RGL1: variants seen among roughly 807,000 people sequenced by gnomAD.
RGL1 encodes the protein ral guanine nucleotide dissociation stimulator-like 1.
RGL1 carries 24 observed loss-of-function variants against 95.2 expected under a neutral mutation model. That is an observed-to-expected ratio of 0.25 (90% CI 0.18 to 0.35). The LOEUF is 0.35. RGL1 is among the 10% of genes least tolerant of loss of function. The pLI is 1.00. For synonymous variants in RGL1, 329 were observed against 344.9 expected (o/e 0.95, Z 0.51); for missense variants, 715 against 936.3 (o/e 0.76, Z 3.08).
chr1:183,899,919 T>G (rs931075817), intron 10 of RGL1, among the ~76,000 whole-genome samples: 13 of 152,264 alleles, frequency 8.5e-5, no homozygotes, highest in African/African-American at 3.1e-4. Context: ...AACAGATGTG[T>G]ATGATCTCCT....
chr1:183,852,796 T>C (rs2102553469), intron 3 of RGL1, among the ~76,000 whole-genome samples: 1 of 148,818 alleles, frequency 6.7e-6, no homozygotes, highest in South Asian at 2.1e-4. Context: ...CAGTAAGACT[T>C]GGTCTCAAAA....
At chr1:183,723,536 T>C (rs7521674) in intron 1 of RGL1, among the ~76,000 whole-genome samples, 2,475 of 152,270 alleles carry the variant, frequency 0.016, 75 homozygotes, top group African/African-American at 0.057. Context: ...GGACCTTGCA[T>C]TGGAACTCAG....
upstream of RGL1, among the ~76,000 whole-genome samples, chr1:183,804,663 G>GTA (rs1360998684): frequency 6.6e-6 from 1 of 152,214 alleles, no homozygotes; most frequent in Non-Finnish European, 1.5e-5. Context: ...GCAGGAGAGG[G>GTA]TATAGCCCCT....
At chr1:183,723,239 G>A (rs945772742) in intron 1 of RGL1, among the ~76,000 whole-genome samples, 1 of 152,166 alleles carries the variant, frequency 6.6e-6, no homozygotes, top group African/African-American at 2.4e-5. Context: ...CAGCTAGCAG[G>A]AGGCAGAGCA....
chr1:183,713,234 C>T (rs1298607032), intron 1 of RGL1, among the ~76,000 whole-genome samples: 7 of 151,862 alleles, frequency 4.6e-5, no homozygotes, highest in Admixed American at 3.3e-4. Flanking sequence ...CCATGTTGGC[C>T]GGGCTGGTCT....
chr1:183,788,963 C>A (rs1010760887), intron 2 of RGL1, among the ~76,000 whole-genome samples: 2 of 152,206 alleles, frequency 1.3e-5, no homozygotes, highest in African/African-American at 4.8e-5. Flanking sequence ...TCTGCCTCAT[C>A]TTTTGGATGT....
intron 2 of RGL1, among the ~76,000 whole-genome samples, chr1:183,809,458 G>A (rs753585458): frequency 5.3e-5 from 8 of 152,186 alleles, no homozygotes; most frequent in Admixed American, 2.6e-4. Flanking sequence ...ACGTGCAGCT[G>A]CATCCTTGCC....
intron 1 of RGL1, among the ~76,000 whole-genome samples, chr1:183,687,717 G>A (rs1050542914): frequency 2.6e-5 from 4 of 152,118 alleles, no homozygotes; most frequent in Admixed American, 1.3e-4. Flanking sequence ...AGAAGTGAAT[G>A]CAAAACATCT....
At position 183,655,936 on chromosome 1, in the gene RGL1, C is replaced by A. The variant is rs1651123601; in HGVS notation, c.-33+19435C>A. Among the ~76,000 whole-genome samples the A allele has an allele frequency of 2.0e-5, 3 of 152,264 alleles. No individual in the cohort carries two copies. In the South Asian group the frequency reaches 6.2e-4, roughly 32 times the overall value. ...TGTGGGAAAGGACCAATTGACATTT[C>A]CAAACCATATGTTAAACAGTGATGG... is the stretch of plus-strand genomic sequence containing the variant. On this transcript the variant is annotated intron_variant, in intron 1 of 18. Coordinates refer to the RGL1 transcript ENST00000304685.
chr1:183,888,257 A>G (rs1022172090), intron 7 of RGL1, among the ~76,000 whole-genome samples: 4 of 152,178 alleles, frequency 2.6e-5, no homozygotes, highest in African/African-American at 9.7e-5. Flanking sequence ...AAATATATTG[A>G]CGAGAGAAAA....
chr1:183,638,752 A>AT lies in RGL1; in HGVS notation c.-33+2251_-33+2252insT, dbSNP rs1306102112. 3.3e-5 allele frequency among the ~76,000 whole-genome samples: 5 copies of AT among 152,300 alleles called. No individual in the cohort carries two copies. The South Asian group carries it at 1.0e-3, about 32-fold the overall frequency. ...TTTAAGACATTTTACTTGTTGTGCAAATAACCTGGTTTGGTTCAATACTGA... is the reference window on the plus strand; with the variant it reads ...TTTAAGACATTTTACTTGTTGTGCAATATAACCTGGTTTGGTTCAATACTGA... On this transcript the variant is annotated intron_variant, in intron 1 of 18. Transcript: ENST00000304685.
At chr1:183,878,178 A>ATCTG (rs2102630284) in intron 4 of RGL1, among the ~76,000 whole-genome samples, 1 of 151,816 alleles carries the variant, frequency 6.6e-6, no homozygotes, top group South Asian at 2.1e-4. Context: ...CTATCTATCT[A>ATCTG]TCTATCTATC....
chr1:183,756,064 T>C (rs1461824223), intron 2 of RGL1, among the ~76,000 whole-genome samples: 1 of 152,034 alleles, frequency 6.6e-6, no homozygotes, highest in African/African-American at 2.4e-5. Flanking sequence ...TTTGTATTTT[T>C]AGTAAAGACG....
intron 1 of RGL1, among the ~76,000 whole-genome samples, chr1:183,662,724 A>G (rs1174669): frequency 0.4 from 60,372 of 151,934 alleles, 12,221 homozygotes; most frequent in African/African-American, 0.47. Flanking sequence ...TAAAGTTCAT[A>G]TGGAACCAAA....
chr1:183,862,060 G>A (rs763621155), intron 3 of RGL1, among the ~76,000 whole-genome samples: 2 of 151,972 alleles, frequency 1.3e-5, no homozygotes, highest in Non-Finnish European at 2.9e-5. Context: ...GTGCAGGGAT[G>A]GCCTGGCATG....
intron 14 of RGL1, among the ~76,000 whole-genome samples, chr1:183,911,498 C>G (rs1181755055): frequency 6.6e-6 from 1 of 152,222 alleles, no homozygotes; most frequent in Non-Finnish European, 1.5e-5. Flanking sequence ...CTCCCACTCC[C>G]CCACCAGAGC....
At chr1:183,649,858 T>C (rs1001511566) in intron 1 of RGL1, among the ~76,000 whole-genome samples, 1 of 152,168 alleles carries the variant, frequency 6.6e-6, no homozygotes, top group African/African-American at 2.4e-5. Flanking sequence ...GTTGCTCAGA[T>C]TGCAGTGCAG....
intron 2 of RGL1, among the ~76,000 whole-genome samples, chr1:183,820,738 T>C (rs77867803): frequency 0.013 from 2,024 of 152,276 alleles, 52 homozygotes; most frequent in African/African-American, 0.047. Context: ...GAAAAAATAA[T>C]GTAAAATATC....
intron 1 of RGL1, chr1:183,648,564 G>A: frequency 6.2e-7 from 1 of 1,614,174 alleles, no homozygotes; most frequent in Non-Finnish European, 8.5e-7. Context: ...ACCAGAAGAA[G>A]TTTTTAGTTC....
Sources: gnomAD v4.1 joint callset for allele counts (sites outside exome capture counted in the v4.1 genomes callset) on GRCh38, gnomAD v4.1.1 for gene constraint, MANE v1.5 for transcripts, NCBI Gene and HGNC (gene_info 2026-07-23, HGNC 2026-07-21) for gene names.